Variants in ITSN1 observed in about 807,000 individuals in gnomAD.
ITSN1 encodes intersectin-1.
In ITSN1, 58 loss-of-function variants were observed where a neutral mutation model predicts 239.8. The observed-to-expected ratio is 0.24, with a 90% confidence interval of 0.20 to 0.30. The LOEUF (loss-of-function observed/expected upper bound fraction) is 0.30. Ranked by LOEUF, ITSN1 falls within the 10% of genes least tolerant of loss-of-function variation. ITSN1 has a pLI of 1.00. For synonymous variants in ITSN1, 780 were observed against 770.8 expected (o/e 1.01, Z -0.20); for missense variants, 1,558 against 2,103.3 (o/e 0.74, Z 5.07).
At chr21:33,828,314 C>T (rs1453199975) in intron 26 of ITSN1, among the ~76,000 whole-genome samples, 1 of 152,212 alleles carries the variant, frequency 6.6e-6, no homozygotes, top group African/African-American at 2.4e-5. Flanking sequence ...CAGGAGAGTC[C>T]TCATCCCAGC....
Position 33,700,666 on chromosome 21 carries a change from C to T in ITSN1, c.-32-18131C>T, listed in dbSNP as rs144121691. On this transcript the variant is annotated intron_variant, in intron 1 of 39. Transcript: ENST00000381318. The stretch of plus-strand genomic sequence containing the variant: ...TGCTTTGGTTGTGACTCCAGCAGCG[C>T]GGGTTGGTGGCATCTTACACTGAAC... Among the ~76,000 whole-genome samples the T allele has an allele frequency of 3.0e-3, 464 of 152,188 alleles. 3 individuals are homozygous for T. The highest frequency in any genetic ancestry group is 0.011 in the African/African-American group (438 of 41,532).
intron 1 of ITSN1, among the ~76,000 whole-genome samples, chr21:33,703,831 G>T (rs774094950): frequency 5.6e-4 from 86 of 152,238 alleles, no homozygotes; most frequent in Non-Finnish European, 2.9e-4. Flanking sequence ...AAGTAAATGG[G>T]ACTGTGCCTA....
At chr21:33,885,371 G>C in intron 37 of ITSN1, 68 bp from the exon 38 acceptor site, 1 of 1,387,144 alleles carries the variant, frequency 7.2e-7, no homozygotes. Context: ...TGCATTGTGA[G>C]GCTCACAGAG....
intron 4 of ITSN1, among the ~76,000 whole-genome samples, chr21:33,732,684 G>A (rs1029353078): frequency 6.6e-6 from 1 of 152,088 alleles, no homozygotes; most frequent in Non-Finnish European, 1.5e-5. Context: ...GTACACCCAA[G>A]AGATTTTAGT....
intron 14 of ITSN1, among the ~76,000 whole-genome samples, chr21:33,779,933 G>T (rs1005122243): frequency 2.0e-5 from 3 of 152,090 alleles, no homozygotes; most frequent in African/African-American, 7.2e-5. Context: ...CCGAGTTCGA[G>T]TGATTCTCCT....
At chr21:33,773,248 T>G (rs1357043165) in intron 12 of ITSN1, among the ~76,000 whole-genome samples, 1 of 152,066 alleles carries the variant, frequency 6.6e-6, no homozygotes, top group Non-Finnish European at 1.5e-5. Context: ...CCTCGGGTGA[T>G]CCACCCGCCT....
At chr21:33,822,825 T>G (rs1427042704) in intron 24 of ITSN1, among the ~76,000 whole-genome samples, 1 of 152,218 alleles carries the variant, frequency 6.6e-6, no homozygotes, top group East Asian at 1.9e-4. Flanking sequence ...TCTCTACCTG[T>G]TTGTGCTCTT....
At chr21:33,873,603 G>T (rs1213772806) in intron 33 of ITSN1, among the ~76,000 whole-genome samples, 1 of 152,226 alleles carries the variant, frequency 6.6e-6, no homozygotes, top group East Asian at 1.9e-4. Flanking sequence ...AGGCGTGGTG[G>T]CTCACGCCTG....
At chr21:33,764,325 A>T (rs1432561249) in intron 9 of ITSN1, among the ~76,000 whole-genome samples, 1 of 152,246 alleles carries the variant, frequency 6.6e-6, no homozygotes, top group East Asian at 1.9e-4. Flanking sequence ...GTGAAAAAAC[A>T]AGAATTTCAG....
intron 5 of ITSN1, among the ~76,000 whole-genome samples, chr21:33,744,229 G>C (rs1291990181): frequency 6.6e-6 from 1 of 152,214 alleles, no homozygotes; most frequent in African/African-American, 2.4e-5. Context: ...TTCTGAAACT[G>C]TTGTCTGAGA....
At position 33,710,131 on chromosome 21, in the gene ITSN1, T is replaced by C. The variant is rs527325702; in HGVS notation, c.-32-8666T>C. ...TCTCGCTTTGTCACCCGGGCTGGAG[T>C]GCAGTGGCATGATCTCGGCTCACTG... On this transcript the variant is annotated intron_variant, in intron 1 of 39. Transcript: ENST00000381318. Among the ~76,000 whole-genome samples the C allele has an allele frequency of 2.7e-5, 4 of 150,246 alleles. No individual in the cohort carries two copies. In the South Asian group the frequency reaches 8.4e-4, roughly 32 times the overall value.
At chr21:33,860,562 G>T (rs1415496961) in intron 31 of ITSN1, among the ~76,000 whole-genome samples, 2 of 152,144 alleles carry the variant, frequency 1.3e-5, no homozygotes, top group Non-Finnish European at 1.5e-5. Context: ...GCTGTGTGGG[G>T]GGCCAGGCCT....
In ITSN1 at chr21:33,666,875, C is replaced by A. The variant is rs1438387998; in HGVS notation, c.-33+24162C>A. 2.0e-5 allele frequency among the ~76,000 whole-genome samples: 3 copies of A among 152,194 alleles called. No individual in the cohort carries two copies. The East Asian group carries it at 5.8e-4, about 29-fold the overall frequency. ...GCAGTGCAGTGGTGCAATGACAGCT[C>A]ACTGCAGCCTCGACTTCTGGGCACA... On this transcript the variant is annotated intron_variant, in intron 1 of 39. Transcript: ENST00000381318.
chr21:33,755,378 T>C lies in ITSN1; in HGVS notation c.705T>C (p.Thr235=). 6.3e-7 allele frequency: 1 copy of C among 1,584,644 alleles called. No individual in the cohort carries two copies. The highest frequency in any genetic ancestry group is 8.7e-7 in the Non-Finnish European group (1 of 1,155,942). ...YRQLFNSHDK[T]MSGHLTGPQA... ...AATTATTCAATAGTCATGACAAAAC[T>C]ATGAGTGGACACTTAACAGGTATTT... is the stretch of plus-strand genomic sequence containing the variant. The change falls in exon 8 of 40, where the codon ACT becomes ACC. Residue 235 remains threonine (T), a synonymous_variant. Transcript: ENST00000381318.
chr21:33,730,670 G>T (rs1403424386), intron 4 of ITSN1, among the ~76,000 whole-genome samples: 2 of 151,304 alleles, frequency 1.3e-5, no homozygotes, highest in East Asian at 2.0e-4. Flanking sequence ...AAAGTGCTGG[G>T]ATTACAGGCG....
Position 33,896,457 on chromosome 21 carries a change from A to T in ITSN1, c.*8157A>T, listed in dbSNP as rs1021459480. 2 of 152,266 alleles carry T rather than the reference A, an allele frequency of 1.3e-5. No individual in the cohort carries two copies. Among genetic ancestry groups the T allele is most frequent in the Non-Finnish European group, 2.9e-5 (2 of 68,114 alleles). The allele number at this position is 152,266 out of a possible 1,614,324, so 9.4% of individuals were successfully genotyped here. ...AGTGTCCCTTCCCCAGTGGCTGGACACTTGCTCCTCCAGCCTTCACCCCCT... is the reference window on the plus strand; with the variant it reads ...AGTGTCCCTTCCCCAGTGGCTGGACTCTTGCTCCTCCAGCCTTCACCCCCT... On this transcript the variant is annotated 3_prime_UTR_variant, in exon 40 of 40. Coordinates refer to ENST00000381318, the MANE Select transcript of ITSN1 (RefSeq NM_003024.3).
chr21:33,739,932 C>G (rs773060383), intron 5 of ITSN1, among the ~76,000 whole-genome samples: 1 of 151,976 alleles, frequency 6.6e-6, no homozygotes, highest in Non-Finnish European at 1.5e-5. Flanking sequence ...GCTTTTGCCA[C>G]GGGCAAGAGG....
intron 1 of ITSN1, among the ~76,000 whole-genome samples, chr21:33,708,206 C>T (rs1169550975): frequency 6.6e-6 from 1 of 152,184 alleles, no homozygotes; most frequent in Non-Finnish European, 1.5e-5. Flanking sequence ...CCTCACTGAG[C>T]TGTCTTATTC....
intron 33 of ITSN1, among the ~76,000 whole-genome samples, chr21:33,868,392 G>C (rs9975826): frequency 0.12 from 17,852 of 152,270 alleles, 3,337 homozygotes; most frequent in African/African-American, 0.4. Flanking sequence ...GGGAGGCTCG[G>C]GCTGCACAGG....
Sources: gnomAD v4.1 joint callset for allele counts (sites outside exome capture counted in the v4.1 genomes callset) on GRCh38, gnomAD v4.1.1 for gene constraint, MANE v1.5 for transcripts, NCBI Gene and HGNC (gene_info 2026-07-23, HGNC 2026-07-21) for gene names.